The following NRG1 variants were observed in gnomAD, a reference collection of about 807,000 sequenced individuals.
NRG1 encodes pro-neuregulin-1, membrane-bound isoform.
A neutral mutation model predicts 63.8 loss-of-function variants in NRG1; 18 were observed. The ratio of observed to expected loss-of-function variants is 0.28; its 90% confidence interval spans 0.19 to 0.42. The LOEUF is 0.42. Ranked by LOEUF, NRG1 falls within the 10% of genes least tolerant of loss-of-function variation. The pLI is 1.00. For synonymous variants in NRG1, 302 were observed against 301.3 expected (o/e 1.00, Z -0.02); for missense variants, 762 against 814.7 (o/e 0.94, Z 0.79).
At chr8:32,312,491 A>G (rs369356730) in intron 1 of NRG1, among the ~76,000 whole-genome samples, 2 of 151,758 alleles carry the variant, frequency 1.3e-5, no homozygotes, top group African/African-American at 2.4e-5. Flanking sequence ...CTTTTTCTCA[A>G]GGGCTTCAAA....
chr8:32,687,975 C>G (rs1345070930), intron 5 of NRG1, among the ~76,000 whole-genome samples: 1 of 152,100 alleles, frequency 6.6e-6, no homozygotes, highest in Non-Finnish European at 1.5e-5. Flanking sequence ...GGTCCCACCT[C>G]CAACAATGGG....
chr8:32,563,260 T>A (rs530477407), intron 1 of NRG1, among the ~76,000 whole-genome samples: 54 of 152,304 alleles, frequency 3.5e-4, no homozygotes, highest in Middle Eastern at 3.4e-3. Context: ...AGTGACTATG[T>A]TTTTAGAAAG....
rs541569783 is a variant in NRG1 at position 31,956,034 on chromosome 8, C to G, written c.37+316603C>G. Among the ~76,000 whole-genome samples the G allele has an allele frequency of 7.2e-3, 800 of 111,054 alleles. 14 individuals are homozygous for G. The highest frequency in any genetic ancestry group is 0.029 in the African/African-American group (743 of 26,016). 72.9% of individuals were successfully genotyped at this position (111,054 alleles called of 152,430 possible). A position where few individuals can be genotyped will look rare whatever the true frequency, so the allele number is the denominator to read the frequency against. On this transcript the variant is annotated intron_variant, in intron 1 of 10. Coordinates refer to the NRG1 transcript ENST00000519301. ...CCATCCCAGGTTACAGAGTGAGAAC[C>G]TGTCTCAAAAAAAAAAAAACAAAAA... is the stretch of plus-strand genomic sequence containing the variant.
chr8:32,029,847 TAA>T (rs34615593), intron 1 of NRG1, among the ~76,000 whole-genome samples: 2 of 150,730 alleles, frequency 1.3e-5, no homozygotes, highest in African/African-American at 4.9e-5. Flanking sequence ...TGCTGGTTTG[TAA>T]AAAAAAAAGC....
intron 1 of NRG1, among the ~76,000 whole-genome samples, chr8:31,749,304 A>G (rs1319808008): frequency 6.6e-6 from 1 of 151,888 alleles, no homozygotes; most frequent in African/African-American, 2.4e-5. Context: ...ATCTAGAAAA[A>G]ATAAATGATC....
At chr8:32,132,559 A>T in intron 1 of NRG1, among the ~76,000 whole-genome samples, 1 of 148,982 alleles carries the variant, frequency 6.7e-6, no homozygotes, top group East Asian at 1.9e-4. Context: ...ACTAATAAAT[A>T]TTTAGCTTGG....
intron 6 of NRG1, 146 bp downstream of exon 6, chr8:32,728,224 A>C: frequency 2.1e-6 from 3 of 1,450,264 alleles, no homozygotes; most frequent in Non-Finnish European, 2.7e-6. Context: ...GTTTTAAAAC[A>C]TTCACACCAT....
intron 1 of NRG1, among the ~76,000 whole-genome samples, chr8:32,523,910 A>C (rs545421079): frequency 6.6e-6 from 1 of 152,252 alleles, no homozygotes; most frequent in Admixed American, 6.5e-5. Flanking sequence ...GTAGGTCTAT[A>C]TCCGTGATTG....
At chr8:31,810,890 A>G (rs959917516) in intron 1 of NRG1, among the ~76,000 whole-genome samples, 13 of 152,196 alleles carry the variant, frequency 8.5e-5, no homozygotes, top group African/African-American at 3.1e-4. Context: ...ATGAGGCTAT[A>G]TATCAAAGGG....
At chr8:32,079,513 A>G (rs986760321) in intron 1 of NRG1, among the ~76,000 whole-genome samples, 1 of 152,200 alleles carries the variant, frequency 6.6e-6, no homozygotes, top group Non-Finnish European at 1.5e-5. Flanking sequence ...CAAGACACGA[A>G]TTCAAGTTTC....
intron 1 of NRG1, among the ~76,000 whole-genome samples, chr8:32,407,138 T>G (rs1814098941): frequency 1.3e-5 from 2 of 151,772 alleles, no homozygotes; most frequent in South Asian, 4.2e-4. Context: ...CTTAAAATTT[T>G]TAACAGAGGT....
At chr8:31,902,682 T>C (rs1832184173) in intron 1 of NRG1, among the ~76,000 whole-genome samples, 3 of 152,200 alleles carry the variant, frequency 2.0e-5, no homozygotes, top group Non-Finnish European at 2.9e-5. Context: ...GCATAATTAT[T>C]TGTGTGCAAT....
intron 5 of NRG1, among the ~76,000 whole-genome samples, chr8:32,622,392 TTTCTG>T (rs1459957134): frequency 1.3e-5 from 2 of 150,292 alleles, no homozygotes; most frequent in African/African-American, 4.9e-5. Flanking sequence ...CTCCTCTTCT[TTTCTG>T]TTCTGTTCTT....
chr8:31,697,284 C>A (rs766736515), intron 1 of NRG1, among the ~76,000 whole-genome samples: 1 of 152,164 alleles, frequency 6.6e-6, no homozygotes, highest in Non-Finnish European at 1.5e-5. Context: ...CTTCAGCTGG[C>A]AAACCTTTGG....
At chr8:32,513,302 G>C (rs1253927155) in intron 1 of NRG1, among the ~76,000 whole-genome samples, 1 of 151,608 alleles carries the variant, frequency 6.6e-6, no homozygotes, top group East Asian at 1.9e-4. Context: ...TCCATATAAG[G>C]GGCAAAAGAA....
intron 1 of NRG1, chr8:31,639,652 G>A: frequency 7.1e-7 from 1 of 1,399,244 alleles, no homozygotes; most frequent in Non-Finnish European, 9.2e-7. Flanking sequence ...AGCCCCGACA[G>A]CAGGGCTCGG....
intron 1 of NRG1, among the ~76,000 whole-genome samples, chr8:32,367,999 C>A (rs1808310893): frequency 6.6e-6 from 1 of 152,232 alleles, no homozygotes; most frequent in African/African-American, 2.4e-5. Context: ...GCATTTATTT[C>A]TAGGTTCTCT....
intron 1 of NRG1, among the ~76,000 whole-genome samples, chr8:32,575,651 G>C (rs1269860824): frequency 6.6e-6 from 1 of 152,154 alleles, no homozygotes; most frequent in African/African-American, 2.4e-5. Flanking sequence ...TGGTTACCTA[G>C]AAAATAAGTA....
chr8:31,840,252 C>T (rs556070361), intron 1 of NRG1, among the ~76,000 whole-genome samples: 1 of 151,904 alleles, frequency 6.6e-6, no homozygotes, highest in South Asian at 2.1e-4. Context: ...TCCATAGTAT[C>T]CAGCAGATAT....
Sources: allele counts gnomAD v4.1 joint callset (sites outside exome capture counted in the v4.1 genomes callset), GRCh38; gene constraint gnomAD v4.1.1; transcripts MANE v1.5; gene names NCBI Gene and HGNC (gene_info 2026-07-23, HGNC 2026-07-21).